SIPA1: variants seen among roughly 807,000 people sequenced by gnomAD.
The protein encoded by SIPA1 is signal-induced proliferation-associated protein 1.
SIPA1 carries 51 observed loss-of-function variants against 88.1 expected under a neutral mutation model. That is an observed-to-expected ratio of 0.58 (90% CI 0.46 to 0.73). SIPA1 has a LOEUF of 0.73. Among genes scored for constraint, SIPA1 ranks in the 30% least tolerant of loss-of-function variants. SIPA1 has a pLI of 0.00. For synonymous variants in SIPA1, 681 were observed against 664.8 expected (o/e 1.02, Z -0.37); for missense variants, 1,348 against 1,467.6 (o/e 0.92, Z 1.33).
rs145098898 is a variant in SIPA1 at position 65,650,630 on chromosome 11, G to A, written c.3044G>A (p.Arg1015Gln). ...EVRSLRHNNR[R>Q]LQAESESAAT... ...CGGAGCCTGAGACACAACAACCGGC[G>A]GCTGCAGGCGGAGTCTGAGAGTGCA... is the stretch of plus-strand genomic sequence containing the variant. Residue 1015 changes from arginine (R) to glutamine (Q), a missense_variant, in exon 16 of 16, where the codon CGG (arginine) becomes CAG (glutamine). By Grantham distance (43) the Arg-to-Gln change is conservative. Transcript: ENST00000534313. 48 of 1,573,542 alleles carry A rather than the reference G, an allele frequency of 3.1e-5. 1 individual carries two copies. In the Admixed American group the frequency reaches 3.4e-4, roughly 11 times the overall value.
At chr11:65,639,562 A>AC (rs1224420814) in intron 1 of SIPA1, among the ~76,000 whole-genome samples, 2 of 142,404 alleles carry the variant, frequency 1.4e-5, no homozygotes, top group Admixed American at 1.4e-4. Context: ...CCCCTCCTCC[A>AC]CCCCCCTCCG....
Position 65,646,544 on chromosome 11 carries a change from C to A in SIPA1, c.1510C>A (p.Arg504=). 1 of 1,556,598 alleles carries A rather than the reference C, an allele frequency of 6.4e-7. No individual in the cohort carries two copies. The highest frequency in any genetic ancestry group is 8.6e-7 in the Non-Finnish European group (1 of 1,157,238). ...CCCCTTCGCAGCCAACGCCGACTTCCGGGCCTTCCTGCTGGCCAAAGCGCT... is the reference window on the plus strand; with the variant it reads ...CCCCTTCGCAGCCAACGCCGACTTCAGGGCCTTCCTGCTGGCCAAAGCGCT... The part of the protein sequence containing the change: ...GGPFAANADF[R]AFLLAKALNG... The change falls in exon 8 of 16, where the codon CGG becomes AGG. Residue 504 remains arginine, a synonymous_variant. Transcript: ENST00000534313. This position sits in a 1 kb window ranked among gnomAD's most constrained non-coding sequence, Gnocchi z 7.5.
At position 65,642,218 on chromosome 11, in the gene SIPA1, G is replaced by A. The variant is rs1441339832; in HGVS notation, c.680-32G>A. On this transcript the variant is annotated intron_variant, in intron 2 of 15. Coordinates refer to ENST00000534313, the MANE Select transcript of SIPA1 (RefSeq NM_006747.4). This position sits in a 1 kb window ranked among gnomAD's most constrained non-coding sequence, Gnocchi z 6.5. ...CGGGGGCGGGGCTGCCAGAGGGCGG[G>A]ACCAATCGTTTTCTTCGGCGCGGTC... 2 of 1,547,288 alleles carry A rather than the reference G, an allele frequency of 1.3e-6. No individual in the cohort carries two copies. Among genetic ancestry groups the A allele is most frequent in the African/African-American group, 1.4e-5 (1 of 72,868 alleles).
intron 9 of SIPA1, 77 bp from the exon 10 acceptor site, chr11:65,649,185 G>A (rs1176187991): frequency 1.9e-6 from 2 of 1,065,632 alleles, no homozygotes; most frequent in East Asian, 2.6e-5. Context: ...AGTGAGCCTG[G>A]CGGGCTGGGG....
rs1856108397 is a variant in SIPA1, at chr11:65,646,125, G to A, written c.1264-96G>A. The A allele has an allele frequency of 1.4e-6, 2 of 1,450,510 alleles. No individual in the cohort carries two copies. Among genetic ancestry groups the A allele is most frequent in the South Asian group, 1.2e-5 (1 of 81,852 alleles). 89.9% of individuals were successfully genotyped at this position (1,450,510 alleles called of 1,614,324 possible). ...CCCTAGGTCTTCACCAGGGGCAGTG[G>A]GGGAGCCATTGGTGCCTTGGCTTTC... On this transcript the variant is annotated intron_variant, in intron 6 of 15. Coordinates refer to ENST00000534313, the MANE Select transcript of SIPA1 (RefSeq NM_006747.4). The surrounding 1 kb of genome is among the most constrained non-coding windows in gnomAD (Gnocchi z 7.5).
chr11:65,646,914 G>A lies in SIPA1; in HGVS notation c.1880G>A (p.Arg627His). 4 of 1,533,562 alleles carry A rather than the reference G, an allele frequency of 2.6e-6. No homozygotes were observed. Among genetic ancestry groups the A allele is most frequent in the Non-Finnish European group, 3.5e-6 (4 of 1,145,500 alleles). 95.0% of individuals were successfully genotyped at this position (1,533,562 alleles called of 1,614,324 possible). A position where few individuals can be genotyped will look rare whatever the true frequency, so the allele number is the denominator to read the frequency against. ...ALVLVAPRDG[R>H]VVFNCACRDV... ...GTGCTGGTGGCGCCGCGCGACGGCC[G>A]CGTAGTGTTCAATTGCGCCTGTCGC... Residue 627 changes from arginine to histidine, a missense_variant, in exon 8 of 16, where the codon CGC (arginine) becomes CAC (histidine). Coordinates refer to ENST00000534313, the MANE Select transcript of SIPA1 (RefSeq NM_006747.4). The surrounding 1 kb of genome is among the most constrained non-coding windows in gnomAD (Gnocchi z 7.5).
intron 1 of SIPA1, 95 bp from the exon 2 acceptor site, chr11:65,640,736 G>C (rs1475713418): frequency 1.1e-5 from 6 of 525,822 alleles, no homozygotes; most frequent in East Asian, 3.3e-5. Context: ...TCTCGGAGGG[G>C]GCCGGAAGCC....
chr11:65,650,814 C>T lies in SIPA1; in HGVS notation c.*99C>T, dbSNP rs145995596. On this transcript the variant is annotated 3_prime_UTR_variant, in exon 16 of 16. Coordinates refer to ENST00000534313, the MANE Select transcript of SIPA1 (RefSeq NM_006747.4). ...AGAGGCGTGTCTTAGCACTGCCCCC[C>T]TCCCTAGCCCCTTATTTGGTGGCGG... 6 of 1,278,802 alleles carry T rather than the reference C, an allele frequency of 4.7e-6. No homozygotes were observed. The South Asian group carries it at 4.8e-5, about 10-fold the overall frequency. 79.2% of individuals were successfully genotyped at this position (1,278,802 alleles called of 1,614,324 possible).
chr11:65,647,530 G>A lies in SIPA1; in HGVS notation c.2178G>A (p.Ala726=). ...AGACGGCGGGGCTGCGGCCCGGGGC[G>A]CGCCTCCTGCGCGTGTGCGGCCAGA... ...FAETAGLRPG[A]RLLRVCGQTL... The change falls in exon 9 of 16, where the codon GCG becomes GCA. Residue 726 remains alanine (A), a synonymous_variant. Transcript: ENST00000534313. The A allele has an allele frequency of 7.4e-7, 1 of 1,348,518 alleles. No homozygotes were observed. The highest frequency in any genetic ancestry group is 1.6e-5 in the South Asian group (1 of 61,158). The allele number at this position is 1,348,518 out of a possible 1,614,324, so 83.5% of individuals were successfully genotyped here. A position where few individuals can be genotyped will look rare whatever the true frequency, so the allele number is the denominator to read the frequency against.
Position 65,640,835 on chromosome 11 carries a change from G to C in SIPA1, c.-87G>C. On this transcript the variant is annotated 5_prime_UTR_variant, in exon 2 of 16. Coordinates refer to ENST00000534313, the MANE Select transcript of SIPA1 (RefSeq NM_006747.4). ...AGCAGCCCCCTCCTCCTTCAGGGCA[G>C]GAACTGCTGCCACAACCTCAGGCTG... The C allele has an allele frequency of 2.4e-6, 3 of 1,249,524 alleles. No individual in the cohort carries two copies. The highest frequency in any genetic ancestry group is 3.1e-5 in the African/African-American group (2 of 64,100). The allele number at this position is 1,249,524 out of a possible 1,614,324, so 77.4% of individuals were successfully genotyped here.
At position 65,650,601 on chromosome 11, in the gene SIPA1, G is replaced by A. The variant is rs1274607189; in HGVS notation, c.3015G>A (p.Glu1005=). The A allele has an allele frequency of 6.3e-7, 1 of 1,589,334 alleles. No homozygotes were observed. Among genetic ancestry groups the A allele is most frequent in the Non-Finnish European group, 8.6e-7 (1 of 1,167,648 alleles). The stretch of plus-strand genomic sequence containing the variant: ...CGGACAGGGCGGCCCTGGAGGAGGA[G>A]GTGCGGAGCCTGAGACACAACAACC... ...EKADRAALEE[E]VRSLRHNNRR... is the part of the protein sequence containing the mutation. Residue 1005 remains glutamate (E), a synonymous_variant, in exon 16 of 16, where the codon GAG becomes GAA. Coordinates refer to ENST00000534313, the MANE Select transcript of SIPA1 (RefSeq NM_006747.4).
chr11:65,641,531 A>T lies in SIPA1; in HGVS notation c.610A>T (p.Thr204Ser), dbSNP rs1565179253. 1 of 1,612,312 alleles carries T rather than the reference A, an allele frequency of 6.2e-7. No individual in the cohort carries two copies. Among genetic ancestry groups the T allele is most frequent in the Non-Finnish European group, 8.5e-7 (1 of 1,179,978 alleles). The stretch of plus-strand genomic sequence containing the variant: ...CATCCTGGAGGAGCCACAGAACCGA[A>T]CCTCGGCCTACAGCCTGGAGCACGC... ...VSILEEPQNR[T>S]SAYSLEHADL... The change falls in exon 2 of 16, where the codon ACC becomes TCC. Residue 204 changes from threonine (T) to serine (S), a missense_variant. Transcript: ENST00000534313.
chr11:65,646,179 C>T lies in SIPA1; in HGVS notation c.1264-42C>T, dbSNP rs1233188744. On this transcript the variant is annotated intron_variant, in intron 6 of 15. Coordinates refer to ENST00000534313, the MANE Select transcript of SIPA1 (RefSeq NM_006747.4). This position sits in a 1 kb window ranked among gnomAD's most constrained non-coding sequence, Gnocchi z 7.5. ...TGCCTGAATGAGGAGGGGTTTGGGG[C>T]ACAGAAGACCTCATCACGAGCCCCT... 6 of 1,603,842 alleles carry T rather than the reference C, an allele frequency of 3.7e-6. No homozygotes were observed. The highest frequency in any genetic ancestry group is 1.1e-5 in the South Asian group (1 of 90,458).
At position 65,646,728 on chromosome 11, in the gene SIPA1, GGGC is replaced by G; in HGVS notation, c.1698_1700del (p.Ala567del). 6.5e-7 allele frequency: 1 copy of G among 1,531,846 alleles called. No individual in the cohort carries two copies. Among genetic ancestry groups the G allele is most frequent in the Non-Finnish European group, 8.8e-7 (1 of 1,142,326 alleles). The allele number at this position is 1,531,846 out of a possible 1,614,324, so 94.9% of individuals were successfully genotyped here. ...CTGCCCTCCCTGGGTGGGAGGCGCC[GGGC>G]GGCCCCTCGGGGCCCAGGCGCCGAG... is the stretch of plus-strand genomic sequence containing the variant. On this transcript the variant is annotated inframe_deletion, in exon 8 of 16. Coordinates refer to ENST00000534313, the MANE Select transcript of SIPA1 (RefSeq NM_006747.4). This position sits in a 1 kb window ranked among gnomAD's most constrained non-coding sequence, Gnocchi z 7.5.
intron 9 of SIPA1, 93 bp downstream of exon 9, chr11:65,647,751 AC>A: frequency 9.7e-7 from 1 of 1,034,610 alleles, no homozygotes; most frequent in Non-Finnish European, 1.2e-6. Context: ...AGTTTCAGGA[AC>A]CCAGTGTGGA....
chr11:65,649,526 G>C, intron 10 of SIPA1, 35 bp from the exon 11 acceptor site: 1 of 1,613,946 alleles, frequency 6.2e-7, no homozygotes, highest in Non-Finnish European at 8.5e-7. Flanking sequence ...CTGGGAAAGC[G>C]GCTTCCCTTT....
intron 9 of SIPA1, 120 bp downstream of exon 9, chr11:65,647,778 A>G: frequency 1.3e-6 from 1 of 777,494 alleles, no homozygotes; most frequent in Non-Finnish European, 1.7e-6. Flanking sequence ...TTCCTTCTGG[A>G]AAGAATCTCC....
intron 9 of SIPA1, among the ~76,000 whole-genome samples, chr11:65,648,295 A>C (rs2135529265): frequency 6.6e-6 from 1 of 152,102 alleles, no homozygotes; most frequent in Middle Eastern, 3.4e-3. Flanking sequence ...CAACACACAC[A>C]CTACACACTA....
chr11:65,649,460 G>C lies in SIPA1; in HGVS notation c.2505G>C (p.Gln835His). The change falls in exon 10 of 16, where the codon CAG (glutamine) becomes CAC (histidine). Residue 835 changes from glutamine (Q) to histidine (H), a missense_variant. Physicochemically the swap from Gln to His is conservative, Grantham distance 24 (BLOSUM62 0). This residue lies in a region of SIPA1 where 615 missense variants were observed against 559.8 expected (regional missense o/e 1.10). Coordinates refer to ENST00000534313, the MANE Select transcript of SIPA1 (RefSeq NM_006747.4). ...AEERTEFLHS[Q>H]NSLSPRSSLS... ...AGAGGACTGAGTTCCTGCACAGCCA[G>C]AACTCGCTGTCACCACGCAGGTGCA... is the stretch of plus-strand genomic sequence containing the variant. 1 of 1,611,808 alleles carries C rather than the reference G, an allele frequency of 6.2e-7. No individual in the cohort carries two copies. The highest frequency in any genetic ancestry group is 8.5e-7 in the Non-Finnish European group (1 of 1,178,944).
Sources: gnomAD v4.1 joint callset for allele counts (sites outside exome capture counted in the v4.1 genomes callset) on GRCh38, gnomAD v4.1.1 for gene constraint, gnomAD v4.1.1 regional missense constraint, Gnocchi (gnomAD v3.1) non-coding constraint, MANE v1.5 for transcripts, NCBI Gene and HGNC (gene_info 2026-07-23, HGNC 2026-07-21) for gene names.